WDR19: variants seen among roughly 807,000 people sequenced by gnomAD.
WDR19 encodes the protein WD repeat-containing protein 19.
WDR19 carries 121 observed loss-of-function variants against 180.0 expected under a neutral mutation model. The observed-to-expected ratio is 0.67, with a 90% CI of 0.58 to 0.78. The LOEUF (loss-of-function observed/expected upper bound fraction) is 0.78, where lower values mean the gene tolerates loss of function less well. Among genes scored for constraint, WDR19 ranks in the 30% least tolerant of loss-of-function variants. WDR19 has a pLI of 0.00. For synonymous variants in WDR19, 497 were observed against 540.7 expected (o/e 0.92, Z 1.12); for missense variants, 1,450 against 1,640.7 (o/e 0.88, Z 2.01).
intron 6 of WDR19, 107 bp downstream of exon 6, chr4:39,199,700 G>C: frequency 2.5e-6 from 2 of 816,102 alleles, no homozygotes; most frequent in South Asian, 3.5e-5. Flanking sequence ...TATATGTGAG[G>C]TATATATGTG....
In WDR19 at chr4:39,278,530, C is replaced by T; in HGVS notation, c.3918-9C>T. The T allele has an allele frequency of 6.2e-7, 1 of 1,605,512 alleles. No individual in the cohort carries two copies. Among genetic ancestry groups the T allele is most frequent in the South Asian group, 1.1e-5 (1 of 89,974 alleles). On this transcript the variant is annotated splice_polypyrimidine_tract_variant and intron_variant, in intron 35 of 36. Transcript: ENST00000399820. ...TTTAATTTACTCTGCCTTTCCCTCCCCTAAACAGCATGCTAAACACTGAAA... is the reference window on the plus strand; with the variant it reads ...TTTAATTTACTCTGCCTTTCCCTCCTCTAAACAGCATGCTAAACACTGAAA...
At chr4:39,275,002 A>G in intron 33 of WDR19, 44 bp downstream of exon 33, 2 of 1,562,372 alleles carry the variant, frequency 1.3e-6, no homozygotes, top group Non-Finnish European at 1.7e-6. Context: ...GTATTTCTCA[A>G]AGTATTTCCA....
At chr4:39,227,620 T>G (rs1006887748) in intron 15 of WDR19, among the ~76,000 whole-genome samples, 13 of 152,222 alleles carry the variant, frequency 8.5e-5, no homozygotes, top group African/African-American at 3.1e-4. Flanking sequence ...GTACATAGTT[T>G]ATACACATAT....
chr4:39,263,533 T>C (rs1408664154), intron 28 of WDR19, among the ~76,000 whole-genome samples: 1 of 152,096 alleles, frequency 6.6e-6, no homozygotes. Flanking sequence ...CCTGGCCACA[T>C]CTATTCCCTG....
At chr4:39,195,387 C>CAG (rs1726636964) in intron 5 of WDR19, among the ~76,000 whole-genome samples, 1 of 141,872 alleles carries the variant, frequency 7.0e-6, no homozygotes, top group Non-Finnish European at 1.5e-5. Context: ...AACAAAAAAA[C>CAG]AAACAAACAA....
chr4:39,232,317 T>C lies in WDR19; in HGVS notation c.2253+45T>C, dbSNP rs770686333. On this transcript the variant is annotated intron_variant, in intron 19 of 36. Transcript: ENST00000399820. ...TGGAAATTGTGTAAGAGGTATCCAGTGGGGAAATGGGGGAAAAAAAAATGG... is the reference window on the plus strand; with the variant it reads ...TGGAAATTGTGTAAGAGGTATCCAGCGGGGAAATGGGGGAAAAAAAAATGG... The C allele has an allele frequency of 1.6e-5, 23 of 1,473,140 alleles. No homozygotes were observed. In the East Asian group the frequency reaches 4.8e-4, roughly 31 times the overall value. 91.3% of individuals were successfully genotyped at this position (1,473,140 alleles called of 1,614,324 possible). A position where few individuals can be genotyped will look rare whatever the true frequency, so the allele number is the denominator to read the frequency against.
intron 27 of WDR19, among the ~76,000 whole-genome samples, chr4:39,256,204 A>T (rs767141566): frequency 6.6e-6 from 1 of 152,106 alleles, no homozygotes; most frequent in Non-Finnish European, 1.5e-5. Context: ...CCAGGCCCAG[A>T]TGACCTTGCT....
At chr4:39,201,888 G>T (rs1301862711) in intron 6 of WDR19, among the ~76,000 whole-genome samples, 1 of 152,094 alleles carries the variant, frequency 6.6e-6, no homozygotes, top group Non-Finnish European at 1.5e-5. Flanking sequence ...TACTACTTAA[G>T]CTGTCATGTA....
chr4:39,276,385 C>A (rs1242112461), intron 33 of WDR19, among the ~76,000 whole-genome samples: 1 of 152,108 alleles, frequency 6.6e-6, no homozygotes, highest in Non-Finnish European at 1.5e-5. Flanking sequence ...CAGCATAGAA[C>A]CACGCTAGCT....
intron 36 of WDR19, among the ~76,000 whole-genome samples, chr4:39,281,215 G>GTGTGTGTGTGTGTGTGTGTATA (rs1167602972): frequency 1.1e-4 from 12 of 110,138 alleles, no homozygotes; most frequent in African/African-American, 4.3e-4. Context: ...ATGTGTGTGT[G>GTGTGTGTGTGTGTGTGTGTATA]TATATATATA....
At chr4:39,214,770 AT>A in intron 10 of WDR19, 99 bp downstream of exon 10, 1 of 730,820 alleles carries the variant, frequency 1.4e-6, no homozygotes, top group Non-Finnish European at 2.2e-6. Flanking sequence ...TGTAGGAGGA[AT>A]AATTTTTTTT....
At chr4:39,183,249 G>GTTTTT (rs1345010491) in intron 1 of WDR19, among the ~76,000 whole-genome samples, 3 of 22,718 alleles carry the variant, frequency 1.3e-4, no homozygotes, top group Non-Finnish European at 3.1e-4. Flanking sequence ...GAAATGGAAG[G>GTTTTT]CTTTTTTTTT....
chr4:39,184,122 TG>T (rs1323574244), intron 1 of WDR19, among the ~76,000 whole-genome samples: 4 of 152,196 alleles, frequency 2.6e-5, no homozygotes, highest in Admixed American at 2.6e-4. Context: ...AAATGCTCAT[TG>T]GGACAGGGTG....
At chr4:39,192,097 ACTTT>A (rs1726221408) in intron 4 of WDR19, among the ~76,000 whole-genome samples, 1 of 152,086 alleles carries the variant, frequency 6.6e-6, no homozygotes, top group Non-Finnish European at 1.5e-5. Flanking sequence ...ATTATTTAAC[ACTTT>A]CTTTCTAGTT....
At chr4:39,213,710 A>C (rs1178159804) in intron 9 of WDR19, among the ~76,000 whole-genome samples, 2 of 152,210 alleles carry the variant, frequency 1.3e-5, no homozygotes, top group Non-Finnish European at 2.9e-5. Context: ...CTAAACACAC[A>C]CACTGAGTAC....
intron 24 of WDR19, among the ~76,000 whole-genome samples, chr4:39,250,543 A>T (rs912462973): frequency 6.6e-6 from 1 of 152,194 alleles, no homozygotes; most frequent in Non-Finnish European, 1.5e-5. Flanking sequence ...AGGGCATTCA[A>T]TTAGGAAAAG....
chr4:39,199,497 C>T lies in WDR19; in HGVS notation c.426C>T (p.Ile142=), dbSNP rs377419343. 1.1e-5 allele frequency: 17 copies of T among 1,612,200 alleles called. No homozygotes were observed. The highest frequency in any genetic ancestry group is 1.2e-5 in the Non-Finnish European group (14 of 1,179,372). The stretch of plus-strand genomic sequence containing the variant: ...TTTCAGGAAAACATACTAAGAGAAT[C>T]ACTTGTGGATGTTGGAATGCAGAAA... The part of the protein sequence containing the change: ...IPVLGKHTKR[I]TCGCWNAENL... The change falls in exon 6 of 37, where the codon ATC becomes ATT. Residue 142 remains isoleucine (I), a synonymous_variant. Transcript: ENST00000399820.
intron 20 of WDR19, among the ~76,000 whole-genome samples, chr4:39,238,596 A>C (rs564877699): frequency 1.3e-5 from 2 of 152,206 alleles, no homozygotes; most frequent in Non-Finnish European, 2.9e-5. Context: ...CATCAGGTCC[A>C]TACTGGTAAT....
rs1350259300 is a variant in WDR19 at position 39,231,879 on chromosome 4, A to G, written c.2065A>G (p.Met689Val). The G allele has an allele frequency of 5.6e-6, 9 of 1,613,512 alleles. No individual in the cohort carries two copies. The highest frequency in any genetic ancestry group is 2.2e-5 in the South Asian group (2 of 91,052). The change falls in exon 18 of 37, where the codon ATG (methionine) becomes GTG (valine). Residue 689 changes from methionine to valine, a missense_variant. Coordinates refer to ENST00000399820, the MANE Select transcript of WDR19 (RefSeq NM_025132.4). Reference sequence around the variant, plus strand: ...GTTGGCCAGAGCTTGTCTACATCACATGGAAGTGGAGTTTGCAATCCGTGT... The same window carrying G: ...GTTGGCCAGAGCTTGTCTACATCACGTGGAAGTGGAGTTTGCAATCCGTGT... Reference protein sequence around the residue: ...NELARACLHHMEVEFAIRVYR... With the variant: ...NELARACLHHVEVEFAIRVYR...
Sources: allele counts gnomAD v4.1 joint callset (sites outside exome capture counted in the v4.1 genomes callset), GRCh38; gene constraint gnomAD v4.1.1; transcripts MANE v1.5; gene names NCBI Gene and HGNC (gene_info 2026-07-23, HGNC 2026-07-21).